Variants in GABRG3 observed in about 807,000 individuals in gnomAD.
GABRG3 encodes gamma-aminobutyric acid receptor subunit gamma-3.
GABRG3 carries 25 observed loss-of-function variants against 48.8 expected under a neutral mutation model. The observed-to-expected ratio is 0.51, with a 90% CI of 0.37 to 0.72. The LOEUF is 0.72. Ranked by LOEUF, GABRG3 falls within the 30% of genes least tolerant of loss-of-function variation. The pLI is 0.00. For missense variants in GABRG3, 394 were observed against 577.9 expected, an observed-to-expected ratio of 0.68 and a Z score of 3.26; for synonymous variants, 227 against 217.6, an observed-to-expected ratio of 1.04 and a Z score of -0.38.
At chr15:26,972,590 C>T (rs1444933427) in intron 1 of GABRG3, among the ~76,000 whole-genome samples, 3 of 152,150 alleles carry the variant, frequency 2.0e-5, no homozygotes, top group Non-Finnish European at 2.9e-5. Flanking sequence ...TGACGCTTCT[C>T]CATTTCCTGG....
At chr15:27,156,379 G>A (rs1411622354) in intron 3 of GABRG3, among the ~76,000 whole-genome samples, 1 of 150,698 alleles carries the variant, frequency 6.6e-6, no homozygotes, top group Non-Finnish European at 1.5e-5. Flanking sequence ...CCTTTAACTA[G>A]AGAGAGCTGG....
At chr15:27,202,648 A>AT (rs1040987539) in intron 3 of GABRG3, among the ~76,000 whole-genome samples, 7 of 151,954 alleles carry the variant, frequency 4.6e-5, no homozygotes, top group East Asian at 1.9e-4. Flanking sequence ...TTTATATTGC[A>AT]TTTTTTTGCT....
chr15:27,259,958 T>A (rs74004759), intron 3 of GABRG3, among the ~76,000 whole-genome samples: 6,219 of 152,204 alleles, frequency 0.041, 355 homozygotes, highest in African/African-American at 0.13. Context: ...TTAGATAGAT[T>A]GAGAATCTTC....
intron 3 of GABRG3, among the ~76,000 whole-genome samples, chr15:27,230,030 A>G (rs1889750039): frequency 6.6e-6 from 1 of 152,192 alleles, no homozygotes; most frequent in African/African-American, 2.4e-5. Context: ...ATCCATGAGC[A>G]TGGGAAGTTT....
At chr15:27,087,807 ATATGAGTGT>A (rs1475971965) in intron 3 of GABRG3, among the ~76,000 whole-genome samples, 2 of 150,712 alleles carry the variant, frequency 1.3e-5, no homozygotes, top group Non-Finnish European at 3.0e-5. Flanking sequence ...TGATGTGTGT[ATATGAGTGT>A]GATTATGTGT....
At chr15:27,013,066 T>C (rs1416737424) in intron 2 of GABRG3, among the ~76,000 whole-genome samples, 1 of 152,122 alleles carries the variant, frequency 6.6e-6, no homozygotes, top group South Asian at 2.1e-4. Context: ...AAATAAAATA[T>C]TTTGTAGTAG....
At chr15:27,337,305 G>T (rs1435745046) in intron 5 of GABRG3, among the ~76,000 whole-genome samples, 1 of 152,008 alleles carries the variant, frequency 6.6e-6, no homozygotes, top group East Asian at 1.9e-4. Flanking sequence ...GATTTTCTAG[G>T]AGTCTCATTA....
chr15:27,124,633 C>A (rs897905886), intron 3 of GABRG3, among the ~76,000 whole-genome samples: 6 of 152,142 alleles, frequency 3.9e-5, no homozygotes, highest in Non-Finnish European at 8.8e-5. Context: ...TCTTTCAGAG[C>A]CTGACTCAGC....
At chr15:27,123,097 C>T (rs537275127) in intron 3 of GABRG3, among the ~76,000 whole-genome samples, 2 of 152,248 alleles carry the variant, frequency 1.3e-5, no homozygotes, top group East Asian at 3.9e-4. Context: ...GCTGATTTTG[C>T]CTAATAGGAC....
intron 3 of GABRG3, among the ~76,000 whole-genome samples, chr15:27,305,001 T>C (rs773405480): frequency 3.3e-5 from 5 of 151,964 alleles, no homozygotes; most frequent in Non-Finnish European, 5.9e-5. Flanking sequence ...TAAAGCCTAA[T>C]TTATCTATTT....
At chr15:27,446,392 C>G (rs963085763) in intron 5 of GABRG3, among the ~76,000 whole-genome samples, 19 of 152,174 alleles carry the variant, frequency 1.2e-4, no homozygotes, top group Non-Finnish European at 2.4e-4. Flanking sequence ...AGACCGACCC[C>G]TGAAATATCT....
intron 3 of GABRG3, among the ~76,000 whole-genome samples, chr15:27,223,241 G>T (rs530501846): frequency 6.6e-6 from 1 of 152,188 alleles, no homozygotes; most frequent in Non-Finnish European, 1.5e-5. Flanking sequence ...TTAATAATTA[G>T]AATATATTTT....
intron 2 of GABRG3, among the ~76,000 whole-genome samples, chr15:26,997,412 T>C (rs944261577): frequency 1.3e-5 from 2 of 152,202 alleles, no homozygotes; most frequent in Non-Finnish European, 1.5e-5. Context: ...ATTTCTCATA[T>C]TTCAAAAAAA....
chr15:27,078,766 CATTGGCTGGCCAGTAA>C (rs1270555937), intron 3 of GABRG3, among the ~76,000 whole-genome samples: 1 of 152,184 alleles, frequency 6.6e-6, no homozygotes, highest in Non-Finnish European at 1.5e-5. Flanking sequence ...GCTCAGTAAA[CATTGGCTGGCCAGTAA>C]AGTGGTCAGT....
intron 5 of GABRG3, among the ~76,000 whole-genome samples, chr15:27,412,590 A>G (rs1362911476): frequency 6.6e-6 from 1 of 152,182 alleles, no homozygotes; most frequent in African/African-American, 2.4e-5. Flanking sequence ...CATGGATTAG[A>G]GGTAGGTGGT....
intron 3 of GABRG3, among the ~76,000 whole-genome samples, chr15:27,195,786 C>T (rs1016342338): frequency 1.3e-5 from 2 of 152,180 alleles, no homozygotes; most frequent in Admixed American, 6.5e-5. Context: ...AGGTGCCCAC[C>T]ACCATGCCTG....
chr15:27,046,981 C>G (rs1896376603), intron 3 of GABRG3, among the ~76,000 whole-genome samples: 1 of 152,164 alleles, frequency 6.6e-6, no homozygotes, highest in Non-Finnish European at 1.5e-5. Context: ...TCTTGAATGA[C>G]TCTGTTCTTT....
chr15:27,526,721 G>C (rs1297527572), intron 7 of GABRG3, among the ~76,000 whole-genome samples: 1 of 152,034 alleles, frequency 6.6e-6, no homozygotes, highest in Admixed American at 6.6e-5. Context: ...ATATAAAATA[G>C]TCTAAGTCAA....
At chr15:27,373,970 A>C (rs966755170) in intron 5 of GABRG3, among the ~76,000 whole-genome samples, 1 of 151,012 alleles carries the variant, frequency 6.6e-6, no homozygotes, top group Admixed American at 6.6e-5. Context: ...ACCATCTAAT[A>C]TCTTCATGTT....
Sources: gnomAD v4.1 joint callset for allele counts (sites outside exome capture counted in the v4.1 genomes callset) on GRCh38, gnomAD v4.1.1 for gene constraint, MANE v1.5 for transcripts, NCBI Gene and HGNC (gene_info 2026-07-23, HGNC 2026-07-21) for gene names.